Variants in FBXL13 observed in about 807,000 individuals in gnomAD.
The protein encoded by FBXL13 is F-box and leucine-rich repeat protein 13.
In FBXL13, 67 loss-of-function variants were observed where a neutral mutation model predicts 83.6. That is an observed-to-expected ratio of 0.80 (90% CI 0.66 to 0.98). The LOEUF (loss-of-function observed/expected upper bound fraction) is 0.98, where lower values mean the gene tolerates loss of function less well. Ranked by LOEUF, FBXL13 falls within the 50% of genes least tolerant of loss-of-function variation. The pLI, the probability that FBXL13 is intolerant of heterozygous loss-of-function variation, is 0.00. For synonymous variants in FBXL13, 272 were observed against 299.5 expected, an observed-to-expected ratio of 0.91 and a Z score of 0.95; for missense variants, 822 against 866.5, an observed-to-expected ratio of 0.95 and a Z score of 0.64.
chr7:102,963,002 TA>T (rs1399179095), intron 8 of FBXL13, among the ~76,000 whole-genome samples: 1 of 136,702 alleles, frequency 7.3e-6, no homozygotes, highest in African/African-American at 2.9e-5. Context: ...TATATATATA[TA>T]TATAAAAAAA....
chr7:103,074,512 G>A, exon 1 of FBXL13: 1 of 1,175,750 alleles, frequency 8.5e-7, no homozygotes, highest in Non-Finnish European at 1.1e-6. Context: ...TCTCTAATCA[G>A]CGTCTTCAGC....
chr7:102,865,257 A>G (rs1807456855), intron 16 of FBXL13, among the ~76,000 whole-genome samples: 1 of 152,248 alleles, frequency 6.6e-6, no homozygotes, highest in African/African-American at 2.4e-5. Context: ...TACATTTCAC[A>G]TGCTTCTTTC....
chr7:103,021,969 C>A (rs2129487758), intron 6 of FBXL13, among the ~76,000 whole-genome samples: 1 of 152,292 alleles, frequency 6.6e-6, no homozygotes, highest in South Asian at 2.1e-4. Flanking sequence ...ACCCAGCCAT[C>A]CCATTACTGA....
intron 10 of FBXL13, among the ~76,000 whole-genome samples, chr7:102,922,098 G>A (rs1314418646): frequency 6.6e-6 from 1 of 151,964 alleles, no homozygotes. Flanking sequence ...GCTGAGGCAG[G>A]AGACTTGCTT....
chr7:102,973,187 T>G, intron 6 of FBXL13: 1 of 216,118 alleles, frequency 4.6e-6, no homozygotes, highest in Non-Finnish European at 9.3e-6. Flanking sequence ...CAGCCTTCCT[T>G]TCATTTGTGT....
intron 16 of FBXL13, among the ~76,000 whole-genome samples, chr7:102,873,975 G>C (rs1357598978): frequency 6.6e-6 from 1 of 152,146 alleles, no homozygotes; most frequent in African/African-American, 2.4e-5. Context: ...TAAGTACTAG[G>C]AAGAGGAATC....
rs576453658 is a variant in FBXL13, at chr7:103,071,987, G to A, written c.-105+2259C>T. On this transcript the variant is annotated intron_variant, in intron 1 of 19. Transcript: ENST00000313221. ...CACCTGAGGTTAGGAGTTCGAGACCGGCCTGACCAACATGGTGAAACCCTG... is the reference window on the plus strand; with the variant it reads ...CACCTGAGGTTAGGAGTTCGAGACCAGCCTGACCAACATGGTGAAACCCTG... 5.9e-5 allele frequency among the ~76,000 whole-genome samples: 9 copies of A among 151,926 alleles called. No individual in the cohort carries two copies. The South Asian group carries it at 1.7e-3, about 28-fold the overall frequency.
intron 6 of FBXL13, among the ~76,000 whole-genome samples, chr7:102,996,848 AT>A (rs1206811029): frequency 1.3e-5 from 2 of 152,174 alleles, no homozygotes; most frequent in Non-Finnish European, 2.9e-5. Flanking sequence ...GAAAGACTTC[AT>A]TTTTATTGGT....
chr7:102,933,975 C>T (rs746172859), intron 8 of FBXL13: 1 of 1,614,064 alleles, frequency 6.2e-7, no homozygotes, highest in East Asian at 2.2e-5. Context: ...CTGCGCAAAG[C>T]AAGCCCAGGC....
At chr7:102,865,765 C>T (rs548369698) in intron 16 of FBXL13, among the ~76,000 whole-genome samples, 3 of 151,914 alleles carry the variant, frequency 2.0e-5, no homozygotes, top group Admixed American at 6.5e-5. Flanking sequence ...AGGATGGTCT[C>T]GATCTCTTGA....
chr7:103,033,116 T>C (rs1164058395), intron 2 of FBXL13, among the ~76,000 whole-genome samples: 1 of 152,180 alleles, frequency 6.6e-6, no homozygotes, highest in African/African-American at 2.4e-5. Context: ...TAAAAGTCAA[T>C]TTAAATATTT....
chr7:102,815,548 A>G (rs1797877625), intron 19 of FBXL13, among the ~76,000 whole-genome samples: 1 of 152,136 alleles, frequency 6.6e-6, no homozygotes, highest in Admixed American at 6.5e-5. Flanking sequence ...CTGGACACAC[A>G]CTGCAGTTCA....
intron 7 of FBXL13, among the ~76,000 whole-genome samples, chr7:102,966,877 A>C (rs911195854): frequency 6.6e-6 from 1 of 152,206 alleles, no homozygotes; most frequent in Non-Finnish European, 1.5e-5. Flanking sequence ...ATTATTTATC[A>C]ATCAGCCCTG....
intron 6 of FBXL13, among the ~76,000 whole-genome samples, chr7:102,969,599 A>G (rs1326963770): frequency 2.0e-5 from 3 of 152,102 alleles, no homozygotes; most frequent in Non-Finnish European, 4.4e-5. Flanking sequence ...GCTTGAGGTC[A>G]GGAGTTCAAG....
At chr7:102,976,121 C>T in intron 6 of FBXL13, 1 of 766,496 alleles carries the variant, frequency 1.3e-6, no homozygotes, top group Non-Finnish European at 2.4e-6. Flanking sequence ...TCAAACCCTC[C>T]TACTCGGATC....
chr7:102,935,057 C>T (rs1471382947), intron 8 of FBXL13, among the ~76,000 whole-genome samples: 4 of 152,000 alleles, frequency 2.6e-5, no homozygotes, highest in East Asian at 1.9e-4. Context: ...TGACTTACAC[C>T]GATTAAAGCC....
chr7:103,033,140 G>A (rs1328054729), intron 2 of FBXL13, among the ~76,000 whole-genome samples: 1 of 152,178 alleles, frequency 6.6e-6, no homozygotes, highest in Non-Finnish European at 1.5e-5. Context: ...ACAGACAAGA[G>A]ACTAAGAAAG....
intron 16 of FBXL13, among the ~76,000 whole-genome samples, chr7:102,876,546 C>T (rs760436148): frequency 1.3e-5 from 2 of 152,100 alleles, no homozygotes; most frequent in South Asian, 2.1e-4. Context: ...AAGACCCCAC[C>T]GAATGTTGAC....
chr7:102,988,414 G>A (rs145106362), intron 6 of FBXL13: 9 of 152,290 alleles, frequency 5.9e-5, no homozygotes, highest in Admixed American at 2.0e-4. Flanking sequence ...GAAGGAAGCC[G>A]TTGTATAGCA....
Sources: gnomAD v4.1 joint callset for allele counts (sites outside exome capture counted in the v4.1 genomes callset) on GRCh38, gnomAD v4.1.1 for gene constraint, MANE v1.5 for transcripts, NCBI Gene and HGNC (gene_info 2026-07-23, HGNC 2026-07-21) for gene names.